Variants in HERC1 observed in about 807,000 individuals in gnomAD.
HERC1 encodes probable E3 ubiquitin-protein ligase HERC1.
In HERC1, 160 loss-of-function variants were observed where a neutral mutation model predicts 554.3. That is an observed-to-expected ratio of 0.29 (90% CI 0.25 to 0.33). The LOEUF is 0.33. HERC1 is among the 10% of genes least tolerant of loss of function. The pLI is 1.00. For missense variants in HERC1, 4,919 were observed against 5,918.5 expected (o/e 0.83, Z 5.54); for synonymous variants, 2,175 against 2,131.7 (o/e 1.02, Z -0.56).
At chr15:63,811,581 G>T (rs1203545015) in intron 1 of HERC1, among the ~76,000 whole-genome samples, 1 of 151,926 alleles carries the variant, frequency 6.6e-6, no homozygotes, top group African/African-American at 2.4e-5. Context: ...CGGCCGAGAC[G>T]GGCAGATCAC....
At position 63,718,981 on chromosome 15, in the gene HERC1, A is replaced by T; in HGVS notation, c.3743-84T>A. On this transcript the variant is annotated intron_variant, in intron 19 of 77. Coordinates refer to ENST00000443617, the MANE Select transcript of HERC1 (RefSeq NM_003922.4). This position sits in a 1 kb window ranked among gnomAD's most constrained non-coding sequence, Gnocchi z 4.2. ...ATTTTTATAGCTTTAGTCATCCAAC[A>T]CCTGAATTTTATCATCTTTCTAAAC... The T allele has an allele frequency of 1.2e-6, 1 of 848,474 alleles. No homozygotes were observed. Among genetic ancestry groups the T allele is most frequent in the South Asian group, 1.7e-5 (1 of 57,704 alleles). The allele number at this position is 848,474 out of a possible 1,614,324, so 52.6% of individuals were successfully genotyped here.
chr15:63,685,238 T>G (rs967159609), intron 34 of HERC1, among the ~76,000 whole-genome samples: 21 of 152,250 alleles, frequency 1.4e-4, no homozygotes, highest in African/African-American at 4.8e-4. Flanking sequence ...AACTGACTGC[T>G]TTCAGACAGT....
chr15:63,710,293 T>C (rs1484458931), intron 24 of HERC1, among the ~76,000 whole-genome samples: 1 of 152,102 alleles, frequency 6.6e-6, no homozygotes, highest in East Asian at 1.9e-4. Context: ...TTCCAAGAGT[T>C]CTAATTTGGA....
At chr15:63,688,426 G>C (rs1381965063) in intron 33 of HERC1, among the ~76,000 whole-genome samples, 1 of 152,086 alleles carries the variant, frequency 6.6e-6, no homozygotes, top group African/African-American at 2.4e-5. Flanking sequence ...ACTAGTAGAA[G>C]ATGGGAATAT....
chr15:63,729,426 T>C (rs1305417233), intron 15 of HERC1, 58 bp from the exon 16 acceptor site: 6 of 1,595,144 alleles, frequency 3.8e-6, no homozygotes, highest in African/African-American at 1.4e-5. Flanking sequence ...TGTAAAAATA[T>C]CATGGCCTAT....
Position 63,712,849 on chromosome 15 carries a change from T to G in HERC1, c.4510A>C (p.Asn1504His). The change falls in exon 24 of 78, where the codon AAT becomes CAT. Residue 1504 changes from asparagine to histidine, a missense_variant. Coordinates refer to ENST00000443617, the MANE Select transcript of HERC1 (RefSeq NM_003922.4). ...CTCCTCGATTTGATCAGTCTATAAT[T>G]TGGGCTTGTGTGGACTAGCCGGCTC... ...AESRLVHTSP[N>H]YRLIKSRSES... 6.2e-7 allele frequency: 1 copy of G among 1,613,806 alleles called. No homozygotes were observed. The highest frequency in any genetic ancestry group is 8.5e-7 in the Non-Finnish European group (1 of 1,179,808).
chr15:63,727,753 A>C lies in HERC1; in HGVS notation c.3240T>G (p.Pro1080=). Residue 1080 remains proline (P), a synonymous_variant, in exon 17 of 78, where the codon CCT becomes CCG. Coordinates refer to ENST00000443617, the MANE Select transcript of HERC1 (RefSeq NM_003922.4). The surrounding 1 kb of genome is among the most constrained non-coding windows in gnomAD (Gnocchi z 4.3). Reference sequence around the variant, plus strand: ...ACAAGTCGAGGAGGTAACTCAATAAAGGCCGAGCCACTGACACAGGGAGTA... The same window carrying C: ...ACAAGTCGAGGAGGTAACTCAATAACGGCCGAGCCACTGACACAGGGAGTA... ...LLLLPVSVAR[P]LLSYLLDLLP... is the part of the protein sequence containing the mutation. 6.2e-7 allele frequency: 1 copy of C among 1,614,006 alleles called. No homozygotes were observed. Among genetic ancestry groups the C allele is most frequent in the Non-Finnish European group, 8.5e-7 (1 of 1,179,854 alleles).
chr15:63,718,919 T>C lies in HERC1; in HGVS notation c.3743-22A>G, dbSNP rs760925920. Reference sequence around the variant, plus strand: ...CAATCTGAAAATAAAAATGATGCATTGACATTTAAAAGGGCTCAGAAAACA... The same window carrying C: ...CAATCTGAAAATAAAAATGATGCATCGACATTTAAAAGGGCTCAGAAAACA... On this transcript the variant is annotated intron_variant, in intron 19 of 77. Coordinates refer to ENST00000443617, the MANE Select transcript of HERC1 (RefSeq NM_003922.4). The surrounding 1 kb of genome is among the most constrained non-coding windows in gnomAD (Gnocchi z 4.2). 6 of 1,526,278 alleles carry C rather than the reference T, an allele frequency of 3.9e-6. No individual in the cohort carries two copies. The highest frequency in any genetic ancestry group is 3.6e-6 in the Non-Finnish European group (4 of 1,109,858). 94.5% of individuals were successfully genotyped at this position (1,526,278 alleles called of 1,614,324 possible). A position where few individuals can be genotyped will look rare whatever the true frequency, so the allele number is the denominator to read the frequency against.
rs1421336481 is a variant in HERC1 at position 63,727,021 on chromosome 15, T to TA, written c.3346+625dup. On this transcript the variant is annotated intron_variant, in intron 17 of 77. Transcript: ENST00000443617. The surrounding 1 kb of genome is among the most constrained non-coding windows in gnomAD (Gnocchi z 4.3). The stretch of plus-strand genomic sequence containing the variant: ...GGCCAGGGGCGGTGGCTCCCGTCTG[T>TA]AATCCCAGCATTTTGGGAGGCTGAG... 3.9e-5 allele frequency among the ~76,000 whole-genome samples: 6 copies of TA among 152,020 alleles called. No homozygotes were observed. The highest frequency in any genetic ancestry group is 7.3e-5 in the Non-Finnish European group (5 of 68,028).
At position 63,774,882 on chromosome 15, in the gene HERC1, A is replaced by C. The variant is rs1359170580; in HGVS notation, c.742T>G (p.Ser248Ala). The C allele has an allele frequency of 6.2e-7, 1 of 1,613,922 alleles. No homozygotes were observed. The highest frequency in any genetic ancestry group is 1.3e-5 in the African/African-American group (1 of 74,944). Residue 248 changes from serine to alanine, a missense_variant, in exon 2 of 78, where the codon TCT becomes GCT. Transcript: ENST00000443617. The part of the protein sequence containing the change: ...GADTLGRRLA[S>A]ELLLGLAAQR... The stretch of plus-strand genomic sequence containing the variant: ...GCTGCCAAACCAAGCAGCAACTCAG[A>C]AGCTAATCTACGACCTAAAGTGTCT...
intron 25 of HERC1, among the ~76,000 whole-genome samples, chr15:63,703,322 G>A (rs954901615): frequency 6.6e-6 from 1 of 152,208 alleles, no homozygotes; most frequent in Admixed American, 6.5e-5. Flanking sequence ...TATCCCCACT[G>A]TCAAATACTG....
In HERC1 at chr15:63,609,316, G is replaced by T. The variant is rs559571278; in HGVS notation, c.14401-50C>A. 82 of 1,510,182 alleles carry T rather than the reference G, an allele frequency of 5.4e-5. 1 individual carries two copies. In the South Asian group the frequency reaches 9.9e-4, roughly 18 times the overall value. The allele number at this position is 1,510,182 out of a possible 1,614,324, so 93.5% of individuals were successfully genotyped here. A position where few individuals can be genotyped will look rare whatever the true frequency, so the allele number is the denominator to read the frequency against. On this transcript the variant is annotated intron_variant, in intron 77 of 77. Coordinates refer to ENST00000443617, the MANE Select transcript of HERC1 (RefSeq NM_003922.4). Reference sequence around the variant, plus strand: ...GACTGGGGACATCAGAGTGCCATAAGGGGGAGTGGGGCTGCCCATGACCTC... The same window carrying T: ...GACTGGGGACATCAGAGTGCCATAATGGGGAGTGGGGCTGCCCATGACCTC...
At position 63,634,001 on chromosome 15, in the gene HERC1, A is replaced by G. The variant is rs745433412; in HGVS notation, c.12571-31T>C. ...GAAATAACAGCATTCCGTAAGGCAA[A>G]TCACAAGACCTAAAACACACTCCCC... On this transcript the variant is annotated intron_variant, in intron 66 of 77. Coordinates refer to ENST00000443617, the MANE Select transcript of HERC1 (RefSeq NM_003922.4). The G allele has an allele frequency of 1.8e-5, 29 of 1,613,062 alleles. No individual in the cohort carries two copies. The African/African-American group carries it at 3.3e-4, about 19-fold the overall frequency.
chr15:63,734,504 A>C lies in HERC1; in HGVS notation c.2646+220T>G, dbSNP rs1410599668. The C allele has an allele frequency of 5.8e-6, 2 of 346,090 alleles. No homozygotes were observed. Among genetic ancestry groups the C allele is most frequent in the Admixed American group, 8.9e-5 (2 of 22,456 alleles). 21.4% of individuals were successfully genotyped at this position (346,090 alleles called of 1,614,324 possible). On this transcript the variant is annotated intron_variant, in intron 13 of 77. Transcript: ENST00000443617. The surrounding 1 kb of genome is among the most constrained non-coding windows in gnomAD (Gnocchi z 4.6). ...TTAGTACCATAAGAAACACTGGAAA[A>C]ATTAGTCCTTATTTTAATAATTAGC...
At chr15:63,715,951 C>T (rs17773244) in intron 22 of HERC1, among the ~76,000 whole-genome samples, 70,404 of 151,980 alleles carry the variant, frequency 0.46, 17,200 homozygotes, top group Non-Finnish European at 0.54. Context: ...TCTTCCTCAC[C>T]GCTCAGACGT....
At chr15:63,726,388 A>C (rs901963221) in intron 17 of HERC1, among the ~76,000 whole-genome samples, 1 of 152,204 alleles carries the variant, frequency 6.6e-6, no homozygotes, top group African/African-American at 2.4e-5. Flanking sequence ...AGACTGAAAA[A>C]TCCAAAAAGC....
chr15:63,619,004 T>C (rs1240766242), intron 74 of HERC1, among the ~76,000 whole-genome samples: 18 of 152,146 alleles, frequency 1.2e-4, no homozygotes, highest in African/African-American at 3.6e-4. Flanking sequence ...TCCTGCCTGA[T>C]TGCCCTGGCC....
Position 63,608,961 on chromosome 15 carries a change from G to T in HERC1, c.*120C>A. On this transcript the variant is annotated 3_prime_UTR_variant, in exon 78 of 78. Coordinates refer to ENST00000443617, the MANE Select transcript of HERC1 (RefSeq NM_003922.4). ...TTTAGAGTAACTAAATGTGGCCATT[G>T]TTTATAATGTTGGTTTATGTTCTTA... 1.3e-6 allele frequency: 1 copy of T among 799,846 alleles called. No homozygotes were observed. 49.5% of individuals were successfully genotyped at this position (799,846 alleles called of 1,614,324 possible).
chr15:63,830,566 T>A (rs1045244110), intron 1 of HERC1, among the ~76,000 whole-genome samples: 1 of 152,150 alleles, frequency 6.6e-6, no homozygotes, highest in Non-Finnish European at 1.5e-5. Context: ...TGAAATTAAG[T>A]AAAATCTATA....
Sources: allele counts gnomAD v4.1 joint callset (sites outside exome capture counted in the v4.1 genomes callset), GRCh38; gene constraint gnomAD v4.1.1; non-coding constraint Gnocchi (gnomAD v3.1); transcripts MANE v1.5; gene names NCBI Gene and HGNC (gene_info 2026-07-23, HGNC 2026-07-21).